The following LRRC4C variants were observed in gnomAD, a reference collection of about 807,000 sequenced individuals.
The protein encoded by LRRC4C is leucine rich repeat containing 4C.
A neutral mutation model predicts 33.6 loss-of-function variants in LRRC4C; 5 were observed. The observed-to-expected ratio is 0.15, with a 90% CI of 0.08 to 0.31. The LOEUF (loss-of-function observed/expected upper bound fraction) is 0.31. Among genes scored for constraint, LRRC4C ranks in the 10% least tolerant of loss-of-function variants. The pLI, the probability that LRRC4C is intolerant of heterozygous loss-of-function variation, is 1.00. For missense variants in LRRC4C, 560 were observed against 796.7 expected, an observed-to-expected ratio of 0.70 and a Z score of 3.58; for synonymous variants, 329 against 302.0, an observed-to-expected ratio of 1.09 and a Z score of -0.93.
intron 1 of LRRC4C, among the ~76,000 whole-genome samples, chr11:40,965,957 G>T (rs192332420): frequency 3.3e-5 from 5 of 152,110 alleles, no homozygotes. Flanking sequence ...AATTACCTTG[G>T]GCAGTATGGC....
In LRRC4C at chr11:40,331,810, T is replaced by A. The variant is rs369293019; in HGVS notation, c.-269-12089A>T. ...ACCCTGCCATTCTTCAGACTGGGAC[T>A]GAGTTATGCCACCCGCTTTCCAGGT... On this transcript the variant is annotated intron_variant, in intron 3 of 6. Transcript: ENST00000528697. 2.1e-3 allele frequency among the ~76,000 whole-genome samples: 318 copies of A among 152,314 alleles called. 2 individuals carry two copies. The highest frequency in any genetic ancestry group is 7.4e-3 in the African/African-American group (306 of 41,574).
At chr11:40,858,692 T>TAAA (rs201131448) in intron 2 of LRRC4C, among the ~76,000 whole-genome samples, 4 of 80,158 alleles carry the variant, frequency 5.0e-5, no homozygotes, top group Non-Finnish European at 7.1e-5. Context: ...GACTCCTTCT[T>TAAA]AAAAAAAAAA....
chr11:40,334,156 G>C (rs1946492245), intron 3 of LRRC4C, among the ~76,000 whole-genome samples: 1 of 151,990 alleles, frequency 6.6e-6, no homozygotes, highest in African/African-American at 2.4e-5. Flanking sequence ...GATGCCACTG[G>C]GGATCCTCTT....
intron 3 of LRRC4C, among the ~76,000 whole-genome samples, chr11:40,418,258 A>T (rs1054415272): frequency 1.3e-5 from 2 of 152,184 alleles, no homozygotes; most frequent in Non-Finnish European, 2.9e-5. Flanking sequence ...ACTTAAAAAA[A>T]TTACAAGAAA....
chr11:40,733,836 G>A (rs1947727701), intron 2 of LRRC4C, among the ~76,000 whole-genome samples: 1 of 152,060 alleles, frequency 6.6e-6, no homozygotes, highest in Non-Finnish European at 1.5e-5. Flanking sequence ...TACATACAAA[G>A]TCATTCAACA....
intron 2 of LRRC4C, among the ~76,000 whole-genome samples, chr11:40,792,637 G>C (rs1055298459): frequency 6.6e-6 from 1 of 152,022 alleles, no homozygotes; most frequent in South Asian, 2.1e-4. Context: ...CCATTACTGG[G>C]TATATACCCA....
intron 1 of LRRC4C, among the ~76,000 whole-genome samples, chr11:41,191,593 C>A (rs1945950984): frequency 6.6e-6 from 1 of 152,056 alleles, no homozygotes; most frequent in Admixed American, 6.6e-5. Flanking sequence ...TCATGCTAAG[C>A]AGAAGGTAGC....
chr11:40,945,948 T>G (rs78344135), intron 1 of LRRC4C, among the ~76,000 whole-genome samples: 2,330 of 152,310 alleles, frequency 0.015, 65 homozygotes, highest in African/African-American at 0.053. Flanking sequence ...TCAAGTTTTA[T>G]TTTAGATTTG....
intron 2 of LRRC4C, among the ~76,000 whole-genome samples, chr11:40,687,780 A>T (rs912184146): frequency 2.6e-5 from 4 of 152,108 alleles, no homozygotes; most frequent in African/African-American, 9.7e-5. Context: ...TAAATTTCCT[A>T]ATGTGTAAAT....
At chr11:41,097,819 C>T (rs933094468) in intron 1 of LRRC4C, among the ~76,000 whole-genome samples, 2 of 152,084 alleles carry the variant, frequency 1.3e-5, no homozygotes, top group African/African-American at 4.8e-5. Context: ...CACACCAAGA[C>T]CACTGTACGT....
At chr11:40,324,644 A>G (rs1946010237) in intron 3 of LRRC4C, among the ~76,000 whole-genome samples, 1 of 152,216 alleles carries the variant, frequency 6.6e-6, no homozygotes, top group Non-Finnish European at 1.5e-5. Flanking sequence ...CAAGATATCT[A>G]TATTTTCTTG....
intron 1 of LRRC4C, among the ~76,000 whole-genome samples, chr11:41,320,061 T>G (rs1950913063): frequency 6.6e-6 from 1 of 152,194 alleles, no homozygotes; most frequent in Non-Finnish European, 1.5e-5. Context: ...TATAGAATTT[T>G]GACTATGGTA....
At chr11:41,377,485 G>A (rs1952979544) in intron 1 of LRRC4C, among the ~76,000 whole-genome samples, 2 of 152,102 alleles carry the variant, frequency 1.3e-5, no homozygotes, top group African/African-American at 4.8e-5. Flanking sequence ...ATTTTTTCAA[G>A]GGGATCAGGA....
chr11:41,216,436 T>C (rs1401299787), intron 1 of LRRC4C, among the ~76,000 whole-genome samples: 2 of 152,008 alleles, frequency 1.3e-5, no homozygotes, highest in Non-Finnish European at 2.9e-5. Flanking sequence ...AAATGACATT[T>C]TTCTCTTTAA....
intron 3 of LRRC4C, among the ~76,000 whole-genome samples, chr11:40,388,040 C>T (rs1421749407): frequency 1.3e-5 from 2 of 152,066 alleles, no homozygotes; most frequent in African/African-American, 2.4e-5. Flanking sequence ...AATAAACCTC[C>T]TCAACCCTTG....
At chr11:40,830,466 C>A (rs1952363295) in intron 2 of LRRC4C, among the ~76,000 whole-genome samples, 1 of 152,066 alleles carries the variant, frequency 6.6e-6, no homozygotes, top group Admixed American at 6.6e-5. Flanking sequence ...ATTGCCCTTA[C>A]ACTGAACAAA....
intron 1 of LRRC4C, among the ~76,000 whole-genome samples, chr11:41,031,584 T>A (rs1856730934): frequency 6.6e-6 from 1 of 152,042 alleles, no homozygotes; most frequent in Non-Finnish European, 1.5e-5. Context: ...CTGAATGTTA[T>A]ACTACCCACT....
chr11:40,175,044 G>T (rs1860358678), intron 5 of LRRC4C, among the ~76,000 whole-genome samples: 1 of 152,168 alleles, frequency 6.6e-6, no homozygotes, highest in African/African-American at 2.4e-5. Flanking sequence ...TAGAAAGAGA[G>T]ACTACATGAA....
At chr11:41,370,843 C>A (rs578210096) in intron 1 of LRRC4C, among the ~76,000 whole-genome samples, 3 of 152,020 alleles carry the variant, frequency 2.0e-5, no homozygotes. Flanking sequence ...GCTTGGCCCA[C>A]GTTATTTAAA....
Sources: allele counts gnomAD v4.1 joint callset (sites outside exome capture counted in the v4.1 genomes callset), GRCh38; gene constraint gnomAD v4.1.1; transcripts MANE v1.5; gene names NCBI Gene and HGNC (gene_info 2026-07-23, HGNC 2026-07-21).